WDR76: variants seen among roughly 807,000 people sequenced by gnomAD.
WDR76 encodes WD repeat domain 76.
A neutral mutation model predicts 70.2 loss-of-function variants in WDR76; 52 were observed. That is an observed-to-expected ratio of 0.74 (90% CI 0.59 to 0.93). WDR76 has a LOEUF of 0.93. Among genes scored for constraint, WDR76 ranks in the 40% least tolerant of loss-of-function variants. The pLI, the probability that WDR76 is intolerant of heterozygous loss-of-function variation, is 0.00. For missense variants in WDR76, 756 were observed against 760.2 expected (o/e 0.99, Z 0.07); for synonymous variants, 292 against 271.1 (o/e 1.08, Z -0.76).
intron 4 of WDR76, among the ~76,000 whole-genome samples, 174 bp from the exon 5 acceptor site, chr15:43,839,431 T>G (rs1374983321): frequency 6.6e-6 from 1 of 152,182 alleles, no homozygotes. Flanking sequence ...TGATGAACAT[T>G]TAGGTTTGTT....
chr15:43,867,074 T>C lies in WDR76; in HGVS notation c.*682T>C, dbSNP rs2088082729. On this transcript the variant is annotated 3_prime_UTR_variant, in exon 13 of 13. Transcript: ENST00000263795. The stretch of plus-strand genomic sequence containing the variant: ...TATTTTATAGTTTATAATGAATACT[T>C]ATTTCTAGACTCATACACTGGAAGG... The C allele has an allele frequency of 2.0e-5, 3 of 152,270 alleles. No homozygotes were observed. In the South Asian group the frequency reaches 6.2e-4, roughly 31 times the overall value. The allele number at this position is 152,270 out of a possible 1,614,324, so 9.4% of individuals were successfully genotyped here. A position where few individuals can be genotyped will look rare whatever the true frequency, so the allele number is the denominator to read the frequency against.
intron 4 of WDR76, among the ~76,000 whole-genome samples, chr15:43,838,408 A>G (rs2141730092): frequency 6.6e-6 from 1 of 151,456 alleles, no homozygotes; most frequent in East Asian, 1.9e-4. Context: ...CTGGTCTGGA[A>G]CTCTGGACCT....
chr15:43,828,635 A>T lies in WDR76; in HGVS notation c.462+269A>T, dbSNP rs149246635. ...TTTTCTTTCTCTAAACTAACTGCAT[A>T]TATTTTTGGGTTTAGTCATACTTTA... On this transcript the variant is annotated intron_variant, in intron 2 of 12. Transcript: ENST00000263795. Among the ~76,000 whole-genome samples the T allele has an allele frequency of 8.3e-4, 127 of 152,146 alleles. 2 individuals are homozygous for T. Among genetic ancestry groups the T allele is most frequent in the Middle Eastern group, 3.4e-3 (1 of 294 alleles).
chr15:43,849,800 T>C (rs1231495506), intron 8 of WDR76, among the ~76,000 whole-genome samples: 1 of 152,150 alleles, frequency 6.6e-6, no homozygotes, highest in Non-Finnish European at 1.5e-5. Context: ...CCTCCCAAAG[T>C]GCTGGGATTA....
chr15:43,860,148 G>A (rs745791780), intron 11 of WDR76, among the ~76,000 whole-genome samples: 1 of 152,256 alleles, frequency 6.6e-6, no homozygotes, highest in South Asian at 2.1e-4. Context: ...GGGAGGCTGA[G>A]GCGGGAGGAT....
intron 8 of WDR76, among the ~76,000 whole-genome samples, chr15:43,849,325 G>T (rs141425508): frequency 1.0e-3 from 158 of 152,134 alleles, no homozygotes; most frequent in African/African-American, 3.6e-3. Context: ...AGAAGATAAT[G>T]TCTCTGTAAA....
At chr15:43,864,545 G>A (rs1175103582) in intron 12 of WDR76, among the ~76,000 whole-genome samples, 3 of 150,632 alleles carry the variant, frequency 2.0e-5, no homozygotes, top group African/African-American at 4.9e-5. Context: ...TTTGTATATC[G>A]TCTTTTGAGA....
At chr15:43,846,576 A>G (rs1047670606) in intron 8 of WDR76, among the ~76,000 whole-genome samples, 1 of 150,950 alleles carries the variant, frequency 6.6e-6, no homozygotes, top group Non-Finnish European at 1.5e-5. Flanking sequence ...GAGCCACCAC[A>G]CCCATCTGAG....
At chr15:43,840,984 A>G (rs1204595799) in intron 5 of WDR76, among the ~76,000 whole-genome samples, 1 of 151,400 alleles carries the variant, frequency 6.6e-6, no homozygotes, top group African/African-American at 2.4e-5. Context: ...CAGTTTGTCA[A>G]ACGACACTTA....
intron 8 of WDR76, among the ~76,000 whole-genome samples, chr15:43,850,029 C>G (rs982765071): frequency 2.0e-5 from 3 of 151,934 alleles, no homozygotes; most frequent in African/African-American, 7.2e-5. Flanking sequence ...AAGAATACTT[C>G]TCTCCATTTT....
At chr15:43,836,121 C>T (rs772967268) in intron 3 of WDR76, 40 bp from the exon 4 acceptor site, 41 of 1,569,450 alleles carry the variant, frequency 2.6e-5, no homozygotes, top group South Asian at 2.6e-4. Context: ...AGGTAAGATA[C>T]GTAGTTATAA....
chr15:43,836,980 T>C (rs2087664006), intron 4 of WDR76, among the ~76,000 whole-genome samples: 1 of 148,656 alleles, frequency 6.7e-6, no homozygotes, highest in African/African-American at 2.5e-5. Flanking sequence ...GCAGAGGTCA[T>C]GGTGAGCCAA....
Position 43,851,080 on chromosome 15 carries a change from C to T in WDR76, c.1033-7C>T, listed in dbSNP as rs760031372. ...TCTCTCTCCCCTTTCCCGCAACTCT[C>T]TTCCAGACCCAGCAACCTAAAGAAG... On this transcript the variant is annotated splice_region_variant and splice_polypyrimidine_tract_variant and intron_variant, in intron 8 of 12. Transcript: ENST00000263795. The T allele has an allele frequency of 1.9e-6, 3 of 1,613,928 alleles. No individual in the cohort carries two copies. The highest frequency in any genetic ancestry group is 2.2e-5 in the East Asian group (1 of 44,878).
intron 2 of WDR76, among the ~76,000 whole-genome samples, chr15:43,833,464 G>A (rs922037756): frequency 2.6e-5 from 4 of 151,122 alleles, no homozygotes; most frequent in African/African-American, 7.3e-5. Flanking sequence ...GACTACAGGC[G>A]CCCACCACCA....
chr15:43,841,446 G>A (rs1483579289), intron 5 of WDR76, among the ~76,000 whole-genome samples: 5 of 151,818 alleles, frequency 3.3e-5, no homozygotes, highest in East Asian at 1.9e-4. Flanking sequence ...TGCCCGCCTC[G>A]GCCTCCCAAA....
chr15:43,861,055 G>A (rs868582418), intron 11 of WDR76, among the ~76,000 whole-genome samples: 4 of 150,878 alleles, frequency 2.7e-5, no homozygotes, highest in African/African-American at 4.9e-5. Flanking sequence ...TGAGTAGCTC[G>A]GACTACAGGC....
chr15:43,847,593 T>C (rs960469652), intron 8 of WDR76, among the ~76,000 whole-genome samples: 1 of 152,124 alleles, frequency 6.6e-6, no homozygotes, highest in Non-Finnish European at 1.5e-5. Flanking sequence ...GCTAATTTTT[T>C]TGTTTTTTTA....
chr15:43,866,043 A>G (rs2140316107), intron 12 of WDR76, 85 bp from the exon 13 acceptor site: 1 of 1,476,488 alleles, frequency 6.8e-7, no homozygotes, highest in Admixed American at 2.0e-5. Flanking sequence ...ACTAGCATTT[A>G]GGAGCAATGC....
intron 12 of WDR76, among the ~76,000 whole-genome samples, chr15:43,863,601 C>T (rs2088033177): frequency 6.6e-6 from 1 of 151,860 alleles, no homozygotes; most frequent in African/African-American, 2.4e-5. Flanking sequence ...GCTCCCTTGC[C>T]CAGTATGGAG....
Sources: allele counts gnomAD v4.1 joint callset (sites outside exome capture counted in the v4.1 genomes callset), GRCh38; gene constraint gnomAD v4.1.1; transcripts MANE v1.5; gene names NCBI Gene and HGNC (gene_info 2026-07-23, HGNC 2026-07-21).